MEGF8: variants seen among roughly 807,000 people sequenced by gnomAD.
The protein encoded by MEGF8 is multiple epidermal growth factor-like domains protein 8.
A neutral mutation model predicts 302.9 loss-of-function variants in MEGF8; 156 were observed. That is an observed-to-expected ratio of 0.52 (90% CI 0.45 to 0.59). The LOEUF (loss-of-function observed/expected upper bound fraction) is 0.59. Among genes scored for constraint, MEGF8 ranks in the 20% least tolerant of loss-of-function variants. The pLI is 0.00. For synonymous variants in MEGF8, 1,621 were observed against 1,660.5 expected, an observed-to-expected ratio of 0.98 and a Z score of 0.58; for missense variants, 3,345 against 3,964.5, an observed-to-expected ratio of 0.84 and a Z score of 4.20.
Position 42,368,437 on chromosome 19 carries a change from C to CAA in MEGF8, c.6274-18_6274-17insAA. The CAA allele has an allele frequency of 4.1e-6, 6 of 1,463,042 alleles. No homozygotes were observed. Among genetic ancestry groups the CAA allele is most frequent in the South Asian group, 1.2e-5 (1 of 83,576 alleles). The allele number at this position is 1,463,042 out of a possible 1,614,324, so 90.6% of individuals were successfully genotyped here. A position where few individuals can be genotyped will look rare whatever the true frequency, so the allele number is the denominator to read the frequency against. On this transcript the variant is annotated splice_polypyrimidine_tract_variant and intron_variant, in intron 35 of 41. Transcript: ENST00000251268. This position sits in a 1 kb window ranked among gnomAD's most constrained non-coding sequence, Gnocchi z 4.9. ...ATCTCTCTCTTCCCTGCATCCCCAT[C>CAA]CCCTCCCCCCCATACAGTGTCTGAG...
In MEGF8 at chr19:42,336,459, C is replaced by T; in HGVS notation, c.1244+113C>T. On this transcript the variant is annotated intron_variant, in intron 6 of 41. Transcript: ENST00000251268. The surrounding 1 kb of genome is among the most constrained non-coding windows in gnomAD (Gnocchi z 4.8). Reference sequence around the variant, plus strand: ...TGTCGGACTCCTGTGGTCTCTCAGTCACTCCTTCCTTCATGTATTTACTTA... The same window carrying T: ...TGTCGGACTCCTGTGGTCTCTCAGTTACTCCTTCCTTCATGTATTTACTTA... The T allele has an allele frequency of 9.2e-7, 1 of 1,081,498 alleles. No homozygotes were observed. The highest frequency in any genetic ancestry group is 1.7e-5 in the South Asian group (1 of 58,198). 67.0% of individuals were successfully genotyped at this position (1,081,498 alleles called of 1,614,324 possible).
In MEGF8 at chr19:42,353,613, C is replaced by T. The variant is rs1326142167; in HGVS notation, c.3699C>T (p.Cys1233=). ...ACAACCTCAGTGGGCTCTGCTTCTG[C>T]CAGGACCACACCGAGGGTGCCCACT... ...HCDNLSGLCF[C]QDHTEGAHCQ... Residue 1233 remains cysteine, a synonymous_variant, in exon 21 of 42, where the codon TGC becomes TGT. Coordinates refer to ENST00000251268, the MANE Select transcript of MEGF8 (RefSeq NM_001271938.2). This position sits in a 1 kb window ranked among gnomAD's most constrained non-coding sequence, Gnocchi z 6.1. 1.3e-6 allele frequency: 2 copies of T among 1,589,276 alleles called. No homozygotes were observed. The highest frequency in any genetic ancestry group is 1.7e-6 in the Non-Finnish European group (2 of 1,167,628).
At chr19:42,363,006 T>G (rs763387161) in intron 34 of MEGF8, 42 bp from the exon 35 acceptor site, 3 of 1,550,360 alleles carry the variant, frequency 1.9e-6, no homozygotes, top group Admixed American at 3.5e-5. Flanking sequence ...GGGCTTGCGA[T>G]CTCCTGGGTC....
At position 42,353,861 on chromosome 19, in the gene MEGF8, G is replaced by T; in HGVS notation, c.3848G>T (p.Gly1283Val). 2 of 1,603,278 alleles carry T rather than the reference G, an allele frequency of 1.2e-6. No homozygotes were observed. The highest frequency in any genetic ancestry group is 2.3e-5 in the East Asian group (1 of 44,408). The change falls in exon 22 of 42, where the codon GGG (glycine) becomes GTG (valine). Residue 1283 changes from glycine to valine, a missense_variant. Transcript: ENST00000251268. The surrounding 1 kb of genome is among the most constrained non-coding windows in gnomAD (Gnocchi z 6.1). ...SSVALGSRRV[G>V]GLLPPGGGAA... ...GTGGCACTGGGCTCACGCCGGGTCGGGGGGCTGCTGCCTCCAGGTGGCGGG... is the reference window on the plus strand; with the variant it reads ...GTGGCACTGGGCTCACGCCGGGTCGTGGGGCTGCTGCCTCCAGGTGGCGGG...
rs1302365042 is a variant in MEGF8, at chr19:42,370,251, C to T, written c.6897C>T (p.Cys2299=). ...FVGSAVGGGT[C]RPCHAFCRGN... ...GTTCAGCTGTCGGAGGCGGGACCTG[C>T]CGGCCCTGCCACGCCTTTTGTCGTG... Residue 2299 remains cysteine (C), a synonymous_variant, in exon 39 of 42, where the codon TGC becomes TGT. Transcript: ENST00000251268. 2.5e-6 allele frequency: 4 copies of T among 1,613,680 alleles called. No individual in the cohort carries two copies. In the South Asian group the frequency reaches 4.4e-5, roughly 18 times the overall value.
At chr19:42,335,444 A>G (rs2039113834) in intron 5 of MEGF8, 59 bp downstream of exon 5, 1 of 1,531,710 alleles carries the variant, frequency 6.5e-7, no homozygotes, top group African/African-American at 1.4e-5. Context: ...CCAGCCGGGG[A>G]CCCCCGGAAT....
chr19:42,370,797 C>A lies in MEGF8; in HGVS notation c.7102C>A (p.Gln2368Lys), dbSNP rs2039675508. The change falls in exon 40 of 42, where the codon CAG (glutamine) becomes AAG (lysine). Residue 2368 changes from glutamine to lysine, a missense_variant. By Grantham distance (53) the Gln-to-Lys change is moderately conservative. Coordinates refer to ENST00000251268, the MANE Select transcript of MEGF8 (RefSeq NM_001271938.2). ...TGGGGAGAAATGCGAGAGCTGCCTG[C>A]AGGGCTACTTCCTCCTGGACGGGAA... Reference protein sequence around the residue: ...SYGEKCESCLQGYFLLDGKCT... With the variant: ...SYGEKCESCLKGYFLLDGKCT... 4 of 1,395,718 alleles carry A rather than the reference C, an allele frequency of 2.9e-6. No homozygotes were observed. Among genetic ancestry groups the A allele is most frequent in the Non-Finnish European group, 3.9e-6 (4 of 1,016,766 alleles). The allele number at this position is 1,395,718 out of a possible 1,614,324, so 86.5% of individuals were successfully genotyped here.
In MEGF8 at chr19:42,352,867, G is replaced by A; in HGVS notation, c.3351-61G>A. 2 of 1,232,576 alleles carry A rather than the reference G, an allele frequency of 1.6e-6. No homozygotes were observed. The highest frequency in any genetic ancestry group is 2.3e-6 in the Non-Finnish European group (2 of 865,448). 76.4% of individuals were successfully genotyped at this position (1,232,576 alleles called of 1,614,324 possible). A position where few individuals can be genotyped will look rare whatever the true frequency, so the allele number is the denominator to read the frequency against. On this transcript the variant is annotated intron_variant, in intron 19 of 41. Transcript: ENST00000251268. This position sits in a 1 kb window ranked among gnomAD's most constrained non-coding sequence, Gnocchi z 4.4. ...GGTGTCATGGTGGGTGGAGATGATG[G>A]GGTGCTTTAGGGGCTCTGGGCCTGC...
At chr19:42,370,579 G>T (rs1470409776) in intron 39 of MEGF8, 122 bp from the exon 40 acceptor site, 6 of 1,155,296 alleles carry the variant, frequency 5.2e-6, no homozygotes, top group Non-Finnish European at 7.3e-6. Context: ...GAGGGAGGAG[G>T]GGGTGGGAGC....
intron 8 of MEGF8, among the ~76,000 whole-genome samples, chr19:42,338,384 C>T (rs1255381670): frequency 1.3e-5 from 2 of 152,060 alleles, no homozygotes; most frequent in African/African-American, 2.4e-5. Context: ...GGAGTATAGG[C>T]GCATGCCACC....
At chr19:42,332,407 C>T (rs1214230270) in intron 1 of MEGF8, among the ~76,000 whole-genome samples, 1 of 151,918 alleles carries the variant, frequency 6.6e-6, no homozygotes, top group Non-Finnish European at 1.5e-5. Flanking sequence ...CGCTCTTGTC[C>T]CCCAGGCTAG....
intron 31 of MEGF8, among the ~76,000 whole-genome samples, chr19:42,359,853 A>ATTTTTTTTTTT (rs891961465): frequency 1.6e-5 from 2 of 125,422 alleles, no homozygotes; most frequent in Non-Finnish European, 1.6e-5. Context: ...CGCCTGGATA[A>ATTTTTTTTTTT]TTTTTTTTTT....
chr19:42,329,000 G>A (rs949831312), intron 1 of MEGF8, among the ~76,000 whole-genome samples: 2 of 152,202 alleles, frequency 1.3e-5, no homozygotes, highest in Non-Finnish European at 2.9e-5. Flanking sequence ...AAAGAGGACT[G>A]TGCTGCAGAT....
rs1217593515 is a variant in MEGF8 at position 42,351,970 on chromosome 19, T to G, written c.3101+209T>G. ...TCCGGCTCTCTGCGATTCGTTTTCTTTCTCCTTGTCTGTTTCTGTCTCTCC... is the reference window on the plus strand; with the variant it reads ...TCCGGCTCTCTGCGATTCGTTTTCTGTCTCCTTGTCTGTTTCTGTCTCTCC... On this transcript the variant is annotated intron_variant, in intron 18 of 41. Transcript: ENST00000251268. This position sits in a 1 kb window ranked among gnomAD's most constrained non-coding sequence, Gnocchi z 5.6. Among the ~76,000 whole-genome samples the G allele has an allele frequency of 6.6e-6, 1 of 152,206 alleles. No homozygotes were observed. Among genetic ancestry groups the G allele is most frequent in the East Asian group, 1.9e-4 (1 of 5,198 alleles).
At position 42,370,733 on chromosome 19, in the gene MEGF8, A is replaced by T. The variant is rs1314898378; in HGVS notation, c.7038A>T (p.Glu2346Asp). 1 of 1,589,930 alleles carries T rather than the reference A, an allele frequency of 6.3e-7. No individual in the cohort carries two copies. ...IENWVTEGPS[E>D]DEAVCVNCQN... ...ACTGGGTGACAGAGGGTCCTAGTGA[A>T]GACGAGGCCGTGTGCGTGAACTGCC... The change falls in exon 40 of 42, where the codon GAA becomes GAT. Residue 2346 changes from glutamate to aspartate, a missense_variant. By Grantham distance (45) the Glu-to-Asp change is conservative. Transcript: ENST00000251268.
At chr19:42,335,730 CT>C (rs1568556885) in intron 5 of MEGF8, among the ~76,000 whole-genome samples, 200 bp from the exon 6 acceptor site, 1 of 152,050 alleles carries the variant, frequency 6.6e-6, no homozygotes, top group African/African-American at 2.4e-5. Context: ...GTCTCCTTGC[CT>C]TTTCTCTCTC....
chr19:42,369,060 G>A lies in MEGF8; in HGVS notation c.6641+58G>A, dbSNP rs1222951528. 7.5e-6 allele frequency: 12 copies of A among 1,591,302 alleles called. No homozygotes were observed. In the Admixed American group the frequency reaches 1.4e-4, roughly 18 times the overall value. On this transcript the variant is annotated intron_variant, in intron 37 of 41. Coordinates refer to ENST00000251268, the MANE Select transcript of MEGF8 (RefSeq NM_001271938.2). This position sits in a 1 kb window ranked among gnomAD's most constrained non-coding sequence, Gnocchi z 5.7. ...GCTAGGGTGGGAGAGTCTGTGGGGA[G>A]CAGTAATGGATGAGGCCTAGAGCCA... is the stretch of plus-strand genomic sequence containing the variant.
At chr19:42,362,948 G>A in intron 34 of MEGF8, 100 bp from the exon 35 acceptor site, 1 of 1,026,912 alleles carries the variant, frequency 9.7e-7, no homozygotes, top group Non-Finnish European at 1.5e-6. Flanking sequence ...CCTGGGTTAA[G>A]GGAGGAGGGG....
rs558173499 is a variant in MEGF8, at chr19:42,352,375, C to A, written c.3269C>A (p.Thr1090Asn). The part of the protein sequence containing the change: ...LGLARCHPRA[T>N]CLNTPLSYEC... ...CTGGCCCGGTGCCACCCGCGGGCGACCTGCCTGAACACGCCCCTCAGCTAC... is the reference window on the plus strand; with the variant it reads ...CTGGCCCGGTGCCACCCGCGGGCGAACTGCCTGAACACGCCCCTCAGCTAC... Residue 1090 changes from threonine (T) to asparagine (N), a missense_variant, in exon 19 of 42, where the codon ACC (threonine) becomes AAC (asparagine). Transcript: ENST00000251268. The surrounding 1 kb of genome is among the most constrained non-coding windows in gnomAD (Gnocchi z 4.4). 1.9e-5 allele frequency: 31 copies of A among 1,590,988 alleles called. No homozygotes were observed. In the South Asian group the frequency reaches 3.1e-4, roughly 16 times the overall value.
Sources: allele counts gnomAD v4.1 joint callset (sites outside exome capture counted in the v4.1 genomes callset), GRCh38; gene constraint gnomAD v4.1.1; non-coding constraint Gnocchi (gnomAD v3.1); transcripts MANE v1.5; gene names NCBI Gene and HGNC (gene_info 2026-07-23, HGNC 2026-07-21).